The following MEI4 variants were observed in gnomAD, a reference collection of about 807,000 sequenced individuals.
The protein encoded by MEI4 is meiosis-specific protein MEI4.
In MEI4, 27 loss-of-function variants were observed where a neutral mutation model predicts 31.4. The observed-to-expected ratio is 0.86, with a 90% CI of 0.63 to 1.19. The LOEUF is 1.19. Ranked by LOEUF, MEI4 falls within the 50% of genes most tolerant of loss-of-function variation. The pLI is 0.00. For missense variants in MEI4, 329 were observed against 398.9 expected (o/e 0.82, Z 1.49); for synonymous variants, 122 against 145.4 (o/e 0.84, Z 1.16).
chr6:77,818,778 G>A (rs1054654733), intron 3 of MEI4, among the ~76,000 whole-genome samples: 1 of 152,132 alleles, frequency 6.6e-6, no homozygotes, highest in Non-Finnish European at 1.5e-5. Context: ...CTAGGCTGAT[G>A]TGCAGTGGCA....
At chr6:77,814,995 A>C (rs1769655983) in intron 3 of MEI4, among the ~76,000 whole-genome samples, 1 of 152,090 alleles carries the variant, frequency 6.6e-6, no homozygotes, top group South Asian at 2.1e-4. Context: ...CACTGTACCA[A>C]ATAGTGCGAG....
chr6:77,789,698 C>T (rs938658467), intron 3 of MEI4, among the ~76,000 whole-genome samples: 3 of 152,134 alleles, frequency 2.0e-5, no homozygotes, highest in African/African-American at 4.8e-5. Context: ...ATCAAAACCA[C>T]AATGAGATAC....
intron 3 of MEI4, among the ~76,000 whole-genome samples, chr6:77,790,262 G>T (rs188617556): frequency 1.7e-5 from 2 of 118,104 alleles, no homozygotes; most frequent in African/African-American, 6.2e-5. Flanking sequence ...TGGGGTGGGG[G>T]GAGGGGGGAG....
At chr6:77,854,123 CT>C (rs1770694913) in intron 4 of MEI4, among the ~76,000 whole-genome samples, 1 of 151,980 alleles carries the variant, frequency 6.6e-6, no homozygotes, top group African/African-American at 2.4e-5. Context: ...AAGTATCATA[CT>C]GAGTGTTCTA....
At position 77,873,445 on chromosome 6, in the gene MEI4, G is replaced by T. The variant is rs199996739; in HGVS notation, c.900+44383G>T. ...TCATGTCCTTTGCCCACTTTTTGAT[G>T]GGGTTGTTTGTTTTTTTCTTGTAAA... On this transcript the variant is annotated intron_variant, in intron 4 of 4. Coordinates refer to ENST00000684080, the MANE Select transcript of MEI4 (RefSeq NM_001322247.2). Among the ~76,000 whole-genome samples, 214 of 152,168 alleles carry T rather than the reference G, an allele frequency of 1.4e-3. 1 individual carries two copies. Among genetic ancestry groups the T allele is most frequent in the African/African-American group, 4.5e-3 (187 of 41,486 alleles).
At chr6:77,905,795 C>G (rs1662038093) in intron 4 of MEI4, among the ~76,000 whole-genome samples, 1 of 149,894 alleles carries the variant, frequency 6.7e-6, no homozygotes. Flanking sequence ...TGAGCCGGGC[C>G]AGCTTTTTTT....
At chr6:77,747,976 C>G (rs1374583525) in intron 2 of MEI4, among the ~76,000 whole-genome samples, 1 of 152,196 alleles carries the variant, frequency 6.6e-6, no homozygotes, top group Non-Finnish European at 1.5e-5. Context: ...GTGGGGTAGT[C>G]AAATCCTAAA....
intron 2 of MEI4, among the ~76,000 whole-genome samples, chr6:77,737,080 C>T (rs111753210): frequency 3.9e-5 from 6 of 152,298 alleles, no homozygotes; most frequent in African/African-American, 1.4e-4. Context: ...AAAGGTGTGA[C>T]AGCCAGTGGA....
chr6:77,860,865 C>G (rs967017563), intron 4 of MEI4, among the ~76,000 whole-genome samples: 6 of 152,218 alleles, frequency 3.9e-5, no homozygotes, highest in South Asian at 4.1e-4. Context: ...AACATTTTAT[C>G]TCTTCTTCTA....
chr6:77,713,174 C>T (rs1331724474), intron 2 of MEI4, among the ~76,000 whole-genome samples: 2 of 152,088 alleles, frequency 1.3e-5, no homozygotes, highest in East Asian at 1.9e-4. Context: ...CCATGATACA[C>T]ACTCTCCTGT....
chr6:77,783,964 C>G (rs1162847270), intron 3 of MEI4, among the ~76,000 whole-genome samples: 1 of 152,028 alleles, frequency 6.6e-6, no homozygotes, highest in Non-Finnish European at 1.5e-5. Context: ...GCAATCTAAT[C>G]TTAAATAATT....
At position 77,734,899 on chromosome 6, in the gene MEI4, A is replaced by G. The variant is rs1767138323; in HGVS notation, c.233-26231A>G. ...TATTTCTCCTTCACTTATGAAGCTT[A>G]GTTTGGCTGGATATGAAATTCTGGG... On this transcript the variant is annotated intron_variant, in intron 2 of 4. Coordinates refer to ENST00000684080, the MANE Select transcript of MEI4 (RefSeq NM_001322247.2). Among the ~76,000 whole-genome samples, 4 of 151,814 alleles carry G rather than the reference A, an allele frequency of 2.6e-5. No individual in the cohort carries two copies. In the South Asian group the frequency reaches 8.3e-4, roughly 32 times the overall value.
intron 1 of MEI4, among the ~76,000 whole-genome samples, chr6:77,681,283 C>A (rs936267120): frequency 3.3e-5 from 5 of 152,090 alleles, no homozygotes; most frequent in African/African-American, 1.2e-4. Context: ...TATAAAGATT[C>A]CAAATTTGTG....
chr6:77,804,441 A>C (rs1769374098), intron 3 of MEI4, among the ~76,000 whole-genome samples: 1 of 152,188 alleles, frequency 6.6e-6, no homozygotes, highest in Non-Finnish European at 1.5e-5. Context: ...GCTCACACTC[A>C]GTGCGCTGCA....
rs567424252 is a variant in MEI4 at position 77,867,337 on chromosome 6, C to T, written c.900+38275C>T. Among the ~76,000 whole-genome samples, 3 of 152,262 alleles carry T rather than the reference C, an allele frequency of 2.0e-5. No homozygotes were observed. The South Asian group carries it at 6.2e-4, about 32-fold the overall frequency. On this transcript the variant is annotated intron_variant, in intron 4 of 4. Transcript: ENST00000684080. ...TGCAATCTACTCATCTGACAAAGGGCTAATATTCAGAATCTACAATGAACT... is the reference window on the plus strand; with the variant it reads ...TGCAATCTACTCATCTGACAAAGGGTTAATATTCAGAATCTACAATGAACT...
chr6:77,796,399 A>G (rs1463546382), intron 3 of MEI4, among the ~76,000 whole-genome samples: 1 of 152,172 alleles, frequency 6.6e-6, no homozygotes, highest in African/African-American at 2.4e-5. Flanking sequence ...TAAAAGATTC[A>G]AATTTGAAAG....
intron 4 of MEI4, among the ~76,000 whole-genome samples, chr6:77,900,567 C>T (rs554582510): frequency 6.6e-6 from 1 of 151,788 alleles, no homozygotes; most frequent in African/African-American, 2.4e-5. Context: ...ATTTAAAAAT[C>T]TATAAAATTG....
At chr6:77,745,559 AG>A (rs1767574009) in intron 2 of MEI4, among the ~76,000 whole-genome samples, 2 of 152,236 alleles carry the variant, frequency 1.3e-5, no homozygotes, top group African/African-American at 4.8e-5. Context: ...TAGACAGATC[AG>A]TGAGACAGAA....
At position 77,920,588 on chromosome 6, in the gene MEI4, G is replaced by A. The variant is rs373966634; in HGVS notation, c.901-2501G>A. The stretch of plus-strand genomic sequence containing the variant: ...ACATTTTCTTAATGACATCTAGAAT[G>A]GTGAATCCCTTCCGGAAGGTTTCCA... On this transcript the variant is annotated intron_variant, in intron 4 of 4. Coordinates refer to ENST00000684080, the MANE Select transcript of MEI4 (RefSeq NM_001322247.2). Among the ~76,000 whole-genome samples the A allele has an allele frequency of 9.9e-5, 15 of 151,944 alleles. No individual in the cohort carries two copies. The South Asian group carries it at 2.7e-3, about 27-fold the overall frequency.
Sources: gnomAD v4.1 joint callset for allele counts (sites outside exome capture counted in the v4.1 genomes callset) on GRCh38, gnomAD v4.1.1 for gene constraint, MANE v1.5 for transcripts, NCBI Gene and HGNC (gene_info 2026-07-23, HGNC 2026-07-21) for gene names.